XKR4: variants seen among roughly 807,000 people sequenced by gnomAD.
The protein encoded by XKR4 is XK related 4.
In XKR4, 12 loss-of-function variants were observed where a neutral mutation model predicts 53.9. The ratio of observed to expected loss-of-function variants is 0.22; its 90% CI spans 0.14 to 0.36. XKR4 has a LOEUF of 0.36. Ranked by LOEUF, XKR4 falls within the 10% of genes least tolerant of loss-of-function variation. XKR4 has a pLI of 1.00. For missense variants in XKR4, 799 were observed against 859.5 expected, an observed-to-expected ratio of 0.93 and a Z score of 0.88; for synonymous variants, 354 against 362.4, an observed-to-expected ratio of 0.98 and a Z score of 0.26.
intron 1 of XKR4, among the ~76,000 whole-genome samples, chr8:55,243,885 T>C (rs923425834): frequency 2.7e-4 from 41 of 152,208 alleles, no homozygotes; most frequent in Non-Finnish European, 1.8e-4. Flanking sequence ...ACCTAGACAG[T>C]GCGTGCAAGT....
In XKR4 at chr8:55,103,096, G is replaced by A; in HGVS notation, c.608G>A (p.Gly203Glu). 1 of 1,613,254 alleles carries A rather than the reference G, an allele frequency of 6.2e-7. No individual in the cohort carries two copies. Among genetic ancestry groups the A allele is most frequent in the Non-Finnish European group, 8.5e-7 (1 of 1,179,898 alleles). Reference protein sequence around the residue: ...KTVVGGGSAAGEGEARPSTPQ... With the variant: ...KTVVGGGSAAEEGEARPSTPQ... Reference sequence around the variant, plus strand: ...GTGGTCGGCGGTGGGTCTGCAGCCGGGGAAGGCGAGGCTCGTCCTTCCACG... The same window carrying A: ...GTGGTCGGCGGTGGGTCTGCAGCCGAGGAAGGCGAGGCTCGTCCTTCCACG... Residue 203 changes from glycine to glutamate, a missense_variant, in exon 1 of 3, where the codon GGG becomes GAG. Coordinates refer to ENST00000327381, the MANE Select transcript of XKR4 (RefSeq NM_052898.2).
chr8:55,218,513 C>G (rs949487158), intron 1 of XKR4, among the ~76,000 whole-genome samples: 3 of 152,134 alleles, frequency 2.0e-5, no homozygotes, highest in Non-Finnish European at 4.4e-5. Context: ...AAATTACCAC[C>G]AGAATTAAAT....
chr8:55,511,398 G>A (rs529652047), intron 2 of XKR4, among the ~76,000 whole-genome samples: 5 of 152,300 alleles, frequency 3.3e-5, no homozygotes, highest in African/African-American at 9.6e-5. Context: ...GAGGTCCCAG[G>A]ACCTCAGAAG....
chr8:55,266,808 C>A (rs978479286), intron 1 of XKR4, among the ~76,000 whole-genome samples: 2 of 152,146 alleles, frequency 1.3e-5, no homozygotes, highest in Non-Finnish European at 2.9e-5. Context: ...AGAGACCCCT[C>A]CTCTGAGTTT....
intron 1 of XKR4, among the ~76,000 whole-genome samples, chr8:55,355,961 G>C (rs756266817): frequency 4.6e-5 from 7 of 152,078 alleles, no homozygotes; most frequent in Non-Finnish European, 1.0e-4. Flanking sequence ...GAAACTTTTG[G>C]GTCTGTGTAA....
intron 2 of XKR4, among the ~76,000 whole-genome samples, chr8:55,431,350 A>G (rs749295929): frequency 1.3e-5 from 2 of 152,218 alleles, no homozygotes; most frequent in South Asian, 4.1e-4. Context: ...GTACAACTCC[A>G]TGTATACATT....
intron 2 of XKR4, among the ~76,000 whole-genome samples, chr8:55,358,828 C>A (rs1803857136): frequency 6.6e-6 from 1 of 152,212 alleles, no homozygotes; most frequent in Non-Finnish European, 1.5e-5. Flanking sequence ...GGGTCATGCT[C>A]CAATTTGAGT....
At chr8:55,452,949 T>C (rs888499786) in intron 2 of XKR4, 1 of 782,190 alleles carries the variant, frequency 1.3e-6, no homozygotes, top group Non-Finnish European at 2.3e-6. Flanking sequence ...CTGCATCAGC[T>C]CCTGCTGCTT....
chr8:55,379,835 C>T (rs942114630), intron 2 of XKR4, among the ~76,000 whole-genome samples: 7 of 152,164 alleles, frequency 4.6e-5, no homozygotes, highest in African/African-American at 7.2e-5. Flanking sequence ...GTGGGAGAAC[C>T]GACCATCCAG....
intron 2 of XKR4, among the ~76,000 whole-genome samples, chr8:55,409,566 T>C (rs1175575932): frequency 3.2e-5 from 1 of 31,020 alleles, no homozygotes; most frequent in African/African-American, 8.6e-5. Flanking sequence ...CATGAAACAG[T>C]TTTTTTTTTT....
chr8:55,202,876 T>C (rs780654643), intron 1 of XKR4, among the ~76,000 whole-genome samples: 17 of 151,690 alleles, frequency 1.1e-4, no homozygotes, highest in Non-Finnish European at 2.2e-4. Flanking sequence ...TCCAAGCTCA[T>C]TGCAAAGTCT....
At chr8:55,480,714 C>G (rs1408735010) in intron 2 of XKR4, among the ~76,000 whole-genome samples, 1 of 147,858 alleles carries the variant, frequency 6.8e-6, no homozygotes, top group Non-Finnish European at 1.5e-5. Context: ...ACTCAGGATA[C>G]AAAATCAATG....
chr8:55,416,558 G>T (rs1213327961), intron 2 of XKR4, among the ~76,000 whole-genome samples: 1 of 152,176 alleles, frequency 6.6e-6, no homozygotes, highest in Admixed American at 6.5e-5. Flanking sequence ...ATATGCTAAG[G>T]TGATCGGAGG....
rs74331529 is a variant in XKR4, at chr8:55,483,751, G to A, written c.1007-39530G>A. Reference sequence around the variant, plus strand: ...AATGCATCCATTAGAAAAGTGAAAAGCCTCTCCCTTAAACAAAAAAAAAAG... The same window carrying A: ...AATGCATCCATTAGAAAAGTGAAAAACCTCTCCCTTAAACAAAAAAAAAAG... On this transcript the variant is annotated intron_variant, in intron 2 of 2. Coordinates refer to ENST00000327381, the MANE Select transcript of XKR4 (RefSeq NM_052898.2). Among the ~76,000 whole-genome samples the A allele has an allele frequency of 3.2e-3, 445 of 138,812 alleles. 4 individuals carry two copies. Among genetic ancestry groups the A allele is most frequent in the African/African-American group, 0.013 (420 of 32,618 alleles). 91.1% of individuals were successfully genotyped at this position (138,812 alleles called of 152,430 possible). A position where few individuals can be genotyped will look rare whatever the true frequency, so the allele number is the denominator to read the frequency against.
At chr8:55,456,294 G>T (rs928893080) in intron 2 of XKR4, among the ~76,000 whole-genome samples, 1 of 152,132 alleles carries the variant, frequency 6.6e-6, no homozygotes, top group Non-Finnish European at 1.5e-5. Context: ...AGCCTGGCTT[G>T]GTGGCATGTG....
rs551130560 is a variant in XKR4, at chr8:55,348,725, G to C, written c.807-8953G>C. ...ACACACACACACACACACACACAGA[G>C]AGAGAGATGATAGATAAAAGAGACA... On this transcript the variant is annotated intron_variant, in intron 1 of 2. Transcript: ENST00000327381. 3.0e-3 allele frequency among the ~76,000 whole-genome samples: 439 copies of C among 144,774 alleles called. 2 individuals carry two copies. Among genetic ancestry groups the C allele is most frequent in the African/African-American group, 0.011 (371 of 35,166 alleles). 95.0% of individuals were successfully genotyped at this position (144,774 alleles called of 152,430 possible). A position where few individuals can be genotyped will look rare whatever the true frequency, so the allele number is the denominator to read the frequency against.
intron 1 of XKR4, among the ~76,000 whole-genome samples, chr8:55,141,671 C>CTCTGTGTG (rs748708972): frequency 1.5e-5 from 2 of 135,186 alleles, no homozygotes; most frequent in African/African-American, 5.3e-5. Flanking sequence ...CTCTCTCTCT[C>CTCTGTGTG]TGTGTGTGTG....
chr8:55,254,981 A>T (rs1585969744), intron 1 of XKR4, among the ~76,000 whole-genome samples: 1 of 152,208 alleles, frequency 6.6e-6, no homozygotes, highest in Admixed American at 6.5e-5. Context: ...TGCTTTCCGG[A>T]TGCTATGAAA....
intron 1 of XKR4, among the ~76,000 whole-genome samples, chr8:55,132,640 C>A (rs1486506835): frequency 1.3e-5 from 2 of 152,098 alleles, no homozygotes; most frequent in African/African-American, 4.8e-5. Context: ...ATATTATTAA[C>A]CTCTGCACTA....
Sources: allele counts gnomAD v4.1 joint callset (sites outside exome capture counted in the v4.1 genomes callset), GRCh38; gene constraint gnomAD v4.1.1; transcripts MANE v1.5; gene names NCBI Gene and HGNC (gene_info 2026-07-23, HGNC 2026-07-21).